The following KMT2A variants were observed in gnomAD, a reference collection of about 807,000 sequenced individuals.
KMT2A encodes the protein lysine methyltransferase 2A, also known as histone-lysine N-methyltransferase 2A.
KMT2A carries 16 observed loss-of-function variants against 345.3 expected under a neutral mutation model. That is an observed-to-expected ratio of 0.05 (90% CI 0.03 to 0.07). The LOEUF (loss-of-function observed/expected upper bound fraction) is 0.07. Among genes scored for constraint, KMT2A ranks in the 10% least tolerant of loss-of-function variants. The pLI is 1.00. For missense variants in KMT2A, 3,272 were observed against 4,841.6 expected (o/e 0.68, Z 9.62); for synonymous variants, 1,599 against 1,778.6 (o/e 0.90, Z 2.54).
At position 118,495,826 on chromosome 11, in the gene KMT2A, C is replaced by G. The variant is rs1555043824; in HGVS notation, c.5490C>G (p.Pro1830=). ...TAATGAAGAAAATCATTCCAGCTCC[C>G]AAACCCAAAGGTCCTGGAGAACCAG... ...PPLMKKIIPA[P]KPKGPGEPDS... Residue 1830 remains proline (P), a synonymous_variant, in exon 19 of 36, where the codon CCC becomes CCG. Coordinates refer to ENST00000534358, the MANE Select transcript of KMT2A (RefSeq NM_001197104.2). The surrounding 1 kb of genome is among the most constrained non-coding windows in gnomAD (Gnocchi z 4.1). 1 of 1,614,102 alleles carries G rather than the reference C, an allele frequency of 6.2e-7. No homozygotes were observed. The highest frequency in any genetic ancestry group is 1.7e-5 in the Admixed American group (1 of 60,012).
rs907814598 is a variant in KMT2A at position 118,512,002 on chromosome 11, G to A, written c.11123G>A (p.Arg3708His). The change falls in exon 31 of 36, where the codon CGC becomes CAC. Residue 3708 changes from arginine (R) to histidine (H), a missense_variant. By Grantham distance (29) the Arg-to-His change is conservative. This residue lies in a region of KMT2A where 72 missense variants were observed against 135.6 expected (regional missense o/e 0.53). Transcript: ENST00000534358. ...DKVQEARSNA[R>H]LKQLSFAGVN... ...GTCCAGGAAGCTCGATCAAATGCCC[G>A]CCTAAAGCAGCTCTCATTTGCAGGT... 9 of 1,613,924 alleles carry A rather than the reference G, an allele frequency of 5.6e-6. No individual in the cohort carries two copies. Among genetic ancestry groups the A allele is most frequent in the Admixed American group, 3.3e-5 (2 of 60,016 alleles).
Position 118,504,019 on chromosome 11 carries a change from G to A in KMT2A, c.8127G>A (p.Glu2709=), listed in dbSNP as rs1318292897. ...CATCCCATAATTTATTTCGGGAGGA[G>A]GAACAGTGTGATCTTCCAAAAATCT... ...RLASHNLFRE[E]EQCDLPKISQ... is the part of the protein sequence containing the mutation. The change falls in exon 27 of 36, where the codon GAG becomes GAA. Residue 2709 remains glutamate (E), a synonymous_variant. Transcript: ENST00000534358. This position sits in a 1 kb window ranked among gnomAD's most constrained non-coding sequence, Gnocchi z 6.4. 2 of 1,614,168 alleles carry A rather than the reference G, an allele frequency of 1.2e-6. No homozygotes were observed. The highest frequency in any genetic ancestry group is 8.5e-7 in the Non-Finnish European group (1 of 1,180,004).
In KMT2A at chr11:118,436,531, T is replaced by G. The variant is rs2134151920; in HGVS notation, c.19T>G (p.Trp7Gly). 8.0e-7 allele frequency: 1 copy of G among 1,256,224 alleles called. No individual in the cohort carries two copies. 77.8% of individuals were successfully genotyped at this position (1,256,224 alleles called of 1,614,324 possible). Residue 7 changes from tryptophan (W) to glycine (G), a missense_variant, in exon 1 of 36, where the codon TGG becomes GGG. Around this residue, in one of 27 missense-constraint regions of KMT2A, gnomAD observed 412 missense variants for 511.0 expected, o/e 0.81. Coordinates refer to ENST00000534358, the MANE Select transcript of KMT2A (RefSeq NM_001197104.2). The surrounding 1 kb of genome is among the most constrained non-coding windows in gnomAD (Gnocchi z 6.9). MAHSCR[W>G]RFPARPGTTG... ...GGCGAACATGGCGCACAGCTGTCGGTGGCGCTTCCCCGCCCGACCCGGGAC... is the reference window on the plus strand; with the variant it reads ...GGCGAACATGGCGCACAGCTGTCGGGGGCGCTTCCCCGCCCGACCCGGGAC...
intron 1 of KMT2A, among the ~76,000 whole-genome samples, chr11:118,442,638 G>A (rs1435239565): frequency 6.6e-6 from 1 of 152,182 alleles, no homozygotes; most frequent in Non-Finnish European, 1.5e-5. Flanking sequence ...TTAGCTTTCA[G>A]ATCTGAGTTA....
chr11:118,475,866 G>A (rs566449106), intron 3 of KMT2A, among the ~76,000 whole-genome samples: 9 of 152,240 alleles, frequency 5.9e-5, no homozygotes, highest in East Asian at 5.8e-4. Flanking sequence ...TAGGAGCAGC[G>A]GCTCTTTAAA....
intron 1 of KMT2A, among the ~76,000 whole-genome samples, chr11:118,457,570 C>G (rs782283835): frequency 6.6e-6 from 1 of 151,894 alleles, no homozygotes; most frequent in Admixed American, 6.6e-5. Flanking sequence ...CATGCCTGAC[C>G]GCCTTTTTTT....
chr11:118,490,883 C>G lies in KMT2A; in HGVS notation c.4697-313C>G, dbSNP rs1326800289. ...CTTTTAAATATTTAAATATTTCTTA[C>G]AAATGTGTGAGAAACTTCTCTCTTC... On this transcript the variant is annotated intron_variant, in intron 13 of 35. Coordinates refer to ENST00000534358, the MANE Select transcript of KMT2A (RefSeq NM_001197104.2). The surrounding 1 kb of genome is among the most constrained non-coding windows in gnomAD (Gnocchi z 4.2). Among the ~76,000 whole-genome samples the G allele has an allele frequency of 6.6e-6, 1 of 152,122 alleles. No individual in the cohort carries two copies. Among genetic ancestry groups the G allele is most frequent in the African/African-American group, 2.4e-5 (1 of 41,432 alleles).
At chr11:118,506,742 G>A (rs1392797086) in intron 27 of KMT2A, 96 bp downstream of exon 27, 5 of 1,300,786 alleles carry the variant, frequency 3.8e-6, no homozygotes, top group Non-Finnish European at 5.3e-6. Context: ...ACACTCTTCT[G>A]TTCAAGTTGC....
At chr11:118,439,158 C>CAAAAAAAAAAAAAGAAAA in intron 1 of KMT2A, 3 of 265,442 alleles carry the variant, frequency 1.1e-5, no homozygotes, top group South Asian at 5.0e-5. Flanking sequence ...GATACAGCAG[C>CAAAAAAAAAAAAAGAAAA]AAAAAAAAAA....
Position 118,476,771 on chromosome 11 carries a change from G to C in KMT2A, c.3157-34G>C, listed in dbSNP as rs782398718. The C allele has an allele frequency of 1.3e-6, 2 of 1,570,432 alleles. No homozygotes were observed. Among genetic ancestry groups the C allele is most frequent in the South Asian group, 2.3e-5 (2 of 87,750 alleles). Reference sequence around the variant, plus strand: ...GTTCAGTTATAATTTCAACATGTATGGTTGTTATTGTTTTTGGATTGCCTC... The same window carrying C: ...GTTCAGTTATAATTTCAACATGTATCGTTGTTATTGTTTTTGGATTGCCTC... On this transcript the variant is annotated intron_variant, in intron 3 of 35. Transcript: ENST00000534358. This position sits in a 1 kb window ranked among gnomAD's most constrained non-coding sequence, Gnocchi z 4.1.
In KMT2A at chr11:118,490,230, C is replaced by T. The variant is rs1429425306; in HGVS notation, c.4677C>T (p.Cys1559=). ...ATGATTTCTCACTGTGTCATGATTG[C>T]GCCAAGCTCTTTGCTAAAGGTACCC... is the stretch of plus-strand genomic sequence containing the variant. ...WSHDFSLCHD[C]AKLFAKGNFC... The change falls in exon 13 of 36, where the codon TGC becomes TGT. Residue 1559 remains cysteine, a synonymous_variant. Transcript: ENST00000534358. This position sits in a 1 kb window ranked among gnomAD's most constrained non-coding sequence, Gnocchi z 4.2. 14 of 1,566,752 alleles carry T rather than the reference C, an allele frequency of 8.9e-6. No individual in the cohort carries two copies. Among genetic ancestry groups the T allele is most frequent in the African/African-American group, 1.4e-5 (1 of 72,092 alleles).
chr11:118,507,702 C>A, intron 28 of KMT2A, 93 bp downstream of exon 28: 1 of 969,906 alleles, frequency 1.0e-6, no homozygotes, highest in Non-Finnish European at 1.6e-6. Context: ...CAGTGGCTCA[C>A]GCCTGTAATC....
chr11:118,436,769 C>T lies in KMT2A; in HGVS notation c.257C>T (p.Ser86Leu), dbSNP rs1343124835. The part of the protein sequence containing the change: ...GGAAAASAAS[S>L]SSASSSSSSS... Reference sequence around the variant, plus strand: ...GCGGCCGCCGCCTCAGCAGCCTCCTCGTCGTCCGCCTCGTCTTCGTCTTCG... The same window carrying T: ...GCGGCCGCCGCCTCAGCAGCCTCCTTGTCGTCCGCCTCGTCTTCGTCTTCG... The change falls in exon 1 of 36, where the codon TCG becomes TTG. Residue 86 changes from serine to leucine, a missense_variant. Transcript: ENST00000534358. This position sits in a 1 kb window ranked among gnomAD's most constrained non-coding sequence, Gnocchi z 6.9. 7 of 1,603,604 alleles carry T rather than the reference C, an allele frequency of 4.4e-6. 1 individual carries two copies. Among genetic ancestry groups the T allele is most frequent in the South Asian group, 2.2e-5 (2 of 90,202 alleles).
chr11:118,442,280 C>T (rs1451820637), intron 1 of KMT2A, among the ~76,000 whole-genome samples: 2 of 152,134 alleles, frequency 1.3e-5, no homozygotes, highest in African/African-American at 4.8e-5. Flanking sequence ...GGAATTTATT[C>T]GAGGATTGCT....
intron 31 of KMT2A, 147 bp downstream of exon 31, chr11:118,512,172 C>T (rs1950701976): frequency 1.5e-6 from 1 of 646,682 alleles, no homozygotes; most frequent in Non-Finnish European, 2.7e-6. Context: ...CCATACAGTT[C>T]ACCCATCTAA....
At chr11:118,470,970 G>C (rs1399179067) in intron 2 of KMT2A, among the ~76,000 whole-genome samples, 3 of 152,136 alleles carry the variant, frequency 2.0e-5, no homozygotes, top group Non-Finnish European at 4.4e-5. Context: ...AAATCTTTTT[G>C]CAACTTGAGA....
rs553352573 is a variant in KMT2A at position 118,496,918 on chromosome 11, T to G, written c.5664+551T>G. On this transcript the variant is annotated intron_variant, in intron 20 of 35. Transcript: ENST00000534358. The surrounding 1 kb of genome is among the most constrained non-coding windows in gnomAD (Gnocchi z 4.7). ...AAATAATGTATGTAAAGCCTCTATT[T>G]GGTGCCTGGCACACACAGTAAGCTA... Among the ~76,000 whole-genome samples, 1 of 152,346 alleles carries G rather than the reference T, an allele frequency of 6.6e-6. No homozygotes were observed. The highest frequency in any genetic ancestry group is 2.4e-5 in the African/African-American group (1 of 41,590).
At chr11:118,452,382 G>A (rs542693464) in intron 1 of KMT2A, among the ~76,000 whole-genome samples, 1 of 152,132 alleles carries the variant, frequency 6.6e-6, no homozygotes, top group African/African-American at 2.4e-5. Context: ...AACAGAATAA[G>A]AATAACCAGG....
chr11:118,479,852 G>C (rs1950100491), intron 5 of KMT2A, among the ~76,000 whole-genome samples: 1 of 152,196 alleles, frequency 6.6e-6, no homozygotes, highest in African/African-American at 2.4e-5. Flanking sequence ...CATCGTAAGA[G>C]AGTAGGACTG....
Sources: gnomAD v4.1 joint callset for allele counts (sites outside exome capture counted in the v4.1 genomes callset) on GRCh38, gnomAD v4.1.1 for gene constraint, gnomAD v4.1.1 regional missense constraint, Gnocchi (gnomAD v3.1) non-coding constraint, MANE v1.5 for transcripts, NCBI Gene and HGNC (gene_info 2026-07-23, HGNC 2026-07-21) for gene names.